The following PBX1 variants were observed in gnomAD, a reference collection of about 807,000 sequenced individuals.
PBX1 encodes PBX homeobox 1.
Under a neutral mutation model 53.4 loss-of-function variants are expected in PBX1, and 6 were observed. The ratio of observed to expected loss-of-function variants is 0.11; its 90% confidence interval spans 0.06 to 0.22. The LOEUF is 0.22. Among genes scored for constraint, PBX1 ranks in the 10% least tolerant of loss-of-function variants. The probability of loss-of-function intolerance (pLI) is 1.00; values close to 1 mark genes in which losing one functional copy is unlikely to be tolerated. For synonymous variants in PBX1, 204 were observed against 212.3 expected (o/e 0.96, Z 0.34); for missense variants, 251 against 551.4 (o/e 0.46, Z 5.46).
chr1:164,586,134 A>G (rs1016992239), intron 2 of PBX1, among the ~76,000 whole-genome samples: 2 of 152,220 alleles, frequency 1.3e-5, no homozygotes, highest in African/African-American at 2.4e-5. Context: ...TCATAGTCCT[A>G]TGGGCACACA....
chr1:164,836,630 T>C (rs562478310), intron 8 of PBX1, among the ~76,000 whole-genome samples: 2 of 152,200 alleles, frequency 1.3e-5, no homozygotes, highest in African/African-American at 4.8e-5. Context: ...CGTACATTCT[T>C]GTCAACATTT....
chr1:164,725,682 A>G (rs1664662250), intron 2 of PBX1, among the ~76,000 whole-genome samples: 1 of 152,126 alleles, frequency 6.6e-6, no homozygotes, highest in South Asian at 2.1e-4. Flanking sequence ...CAAATCAGAA[A>G]CATCTGATGC....
At chr1:164,694,114 A>G (rs1662661513) in intron 2 of PBX1, among the ~76,000 whole-genome samples, 1 of 152,090 alleles carries the variant, frequency 6.6e-6, no homozygotes, top group South Asian at 2.1e-4. Context: ...TGCTGAAGTC[A>G]GATTTCTGCC....
intron 2 of PBX1, among the ~76,000 whole-genome samples, chr1:164,870,192 C>CTT: frequency 1.2e-5 from 1 of 83,916 alleles, no homozygotes; most frequent in Non-Finnish European, 2.8e-5. Flanking sequence ...TCTCTATTGA[C>CTT]TTTCTTTCTT....
chr1:164,680,542 G>A (rs567182998), intron 2 of PBX1: 2 of 152,296 alleles, frequency 1.3e-5, no homozygotes, highest in Non-Finnish European at 1.5e-5. Flanking sequence ...CTACAGGGCT[G>A]CTAATGTTTC....
intron 2 of PBX1, among the ~76,000 whole-genome samples, chr1:164,870,879 A>C (rs1202392497): frequency 6.6e-6 from 1 of 152,144 alleles, no homozygotes; most frequent in African/African-American, 2.4e-5. Flanking sequence ...TATTTTGCTC[A>C]AAGTTGCAGG....
intron 4 of PBX1, among the ~76,000 whole-genome samples, chr1:164,804,792 T>A (rs1480469228): frequency 6.6e-6 from 1 of 152,258 alleles, no homozygotes; most frequent in Non-Finnish European, 1.5e-5. Flanking sequence ...ACATGCTAGG[T>A]ACTCCAATCT....
intron 2 of PBX1, among the ~76,000 whole-genome samples, chr1:164,607,167 T>C (rs2101816641): frequency 6.6e-6 from 1 of 151,978 alleles, no homozygotes; most frequent in Admixed American, 6.6e-5. Context: ...TATTGAAAAA[T>C]CAGAGGACAG....
At chr1:164,736,044 C>A (rs1386333162) in intron 2 of PBX1, among the ~76,000 whole-genome samples, 1 of 152,094 alleles carries the variant, frequency 6.6e-6, no homozygotes, top group Non-Finnish European at 1.5e-5. Flanking sequence ...GAATATCCTG[C>A]AAGTCAAAAC....
At chr1:164,638,199 C>T (rs1379999899) in intron 2 of PBX1, among the ~76,000 whole-genome samples, 1 of 152,218 alleles carries the variant, frequency 6.6e-6, no homozygotes, top group African/African-American at 2.4e-5. Context: ...CTAGCAACAG[C>T]GGCAGCGTGG....
intron 8 of PBX1, chr1:164,828,811 G>A (rs1670604518): frequency 6.6e-6 from 1 of 152,154 alleles, no homozygotes; most frequent in African/African-American, 2.4e-5. Flanking sequence ...TCTTCTTGCT[G>A]AGTCTAGCCT....
At chr1:164,779,387 T>C (rs1667824459) in intron 2 of PBX1, among the ~76,000 whole-genome samples, 1 of 151,908 alleles carries the variant, frequency 6.6e-6, no homozygotes, top group African/African-American at 2.4e-5. Context: ...CCAACTGGGG[T>C]CCTTGTTGGA....
intron 8 of PBX1, among the ~76,000 whole-genome samples, chr1:164,832,153 C>G (rs1670799672): frequency 6.6e-6 from 1 of 151,962 alleles, no homozygotes; most frequent in Non-Finnish European, 1.5e-5. Flanking sequence ...CCAGATAGAC[C>G]CTTGACCTCT....
At chr1:164,649,260 C>T (rs1245800382) in intron 2 of PBX1, among the ~76,000 whole-genome samples, 1 of 152,166 alleles carries the variant, frequency 6.6e-6, no homozygotes, top group African/African-American at 2.4e-5. Context: ...CAAAATTAGT[C>T]TTTTAGATGT....
chr1:164,672,025 G>T (rs986017294), intron 2 of PBX1, among the ~76,000 whole-genome samples: 1 of 135,014 alleles, frequency 7.4e-6, no homozygotes. Context: ...TACTCTGGTT[G>T]TTTTTCTTTC....
chr1:164,691,741 A>C (rs1426028747), intron 2 of PBX1, among the ~76,000 whole-genome samples: 1 of 152,202 alleles, frequency 6.6e-6, no homozygotes, highest in Non-Finnish European at 1.5e-5. Context: ...GCCTGTGAGC[A>C]GCTCAAGTTA....
chr1:164,706,616 G>C (rs1663440156), intron 2 of PBX1, among the ~76,000 whole-genome samples: 1 of 152,104 alleles, frequency 6.6e-6, no homozygotes, highest in Non-Finnish European at 1.5e-5. Context: ...TTGAACATAT[G>C]ACAATATGCA....
chr1:164,618,293 ACGGCG>A (rs779447449), intron 2 of PBX1, among the ~76,000 whole-genome samples: 2 of 22,634 alleles, frequency 8.8e-5, no homozygotes, highest in Admixed American at 4.9e-4. Context: ...GAGAATAATC[ACGGCG>A]GGGGGGGGGG....
At chr1:164,809,834 C>T in intron 5 of PBX1, among the ~76,000 whole-genome samples, 1 of 152,128 alleles carries the variant, frequency 6.6e-6, no homozygotes, top group East Asian at 1.9e-4. Context: ...TTTTCTATAC[C>T]AGAGCTACTC....
Sources: gnomAD v4.1 joint callset for allele counts (sites outside exome capture counted in the v4.1 genomes callset) on GRCh38, gnomAD v4.1.1 for gene constraint, MANE v1.5 for transcripts, NCBI Gene and HGNC (gene_info 2026-07-23, HGNC 2026-07-21) for gene names.